PBX1: variants seen among roughly 807,000 people sequenced by gnomAD.
PBX1 encodes PBX homeobox 1, also known as pre-B-cell leukemia transcription factor 1.
Under a neutral mutation model 53.4 loss-of-function variants are expected in PBX1, and 6 were observed. The ratio of observed to expected loss-of-function variants is 0.11; its 90% confidence interval spans 0.06 to 0.22. PBX1 has a LOEUF of 0.22. Among genes scored for constraint, PBX1 ranks in the 10% least tolerant of loss-of-function variants. The probability of loss-of-function intolerance (pLI) is 1.00; values close to 1 mark genes in which losing one functional copy is unlikely to be tolerated. For synonymous variants in PBX1, 204 were observed against 212.3 expected (o/e 0.96, Z 0.34); for missense variants, 251 against 551.4 (o/e 0.46, Z 5.46).
intron 2 of PBX1, among the ~76,000 whole-genome samples, chr1:164,662,764 C>T (rs192906915): frequency 5.0e-4 from 76 of 152,210 alleles, no homozygotes; most frequent in Admixed American, 3.9e-3. Context: ...TTACAGTCAC[C>T]GTCACCTTGT....
intron 2 of PBX1, among the ~76,000 whole-genome samples, chr1:164,627,956 T>C (rs1485589035): frequency 1.3e-5 from 2 of 152,180 alleles, no homozygotes; most frequent in Non-Finnish European, 2.9e-5. Flanking sequence ...TTATAGTGAA[T>C]AGAGCAAGAA....
chr1:164,713,329 G>A (rs896756674), intron 2 of PBX1, among the ~76,000 whole-genome samples: 6 of 152,088 alleles, frequency 3.9e-5, no homozygotes. Flanking sequence ...TATGATAAAA[G>A]GTATGTGTAG....
intron 2 of PBX1, among the ~76,000 whole-genome samples, chr1:164,733,094 C>T (rs1665086161): frequency 6.6e-6 from 1 of 152,114 alleles, no homozygotes; most frequent in Non-Finnish European, 1.5e-5. Flanking sequence ...CTGTAATCCT[C>T]GGTATTTTTA....
At chr1:164,740,924 T>A (rs1665568537) in intron 2 of PBX1, among the ~76,000 whole-genome samples, 1 of 152,212 alleles carries the variant, frequency 6.6e-6, no homozygotes, top group African/African-American at 2.4e-5. Flanking sequence ...ATTTGGAGAT[T>A]ATCGAACTTT....
intron 2 of PBX1, among the ~76,000 whole-genome samples, chr1:164,689,663 T>A (rs1051390385): frequency 6.6e-6 from 1 of 152,226 alleles, no homozygotes; most frequent in Non-Finnish European, 1.5e-5. Context: ...TCATTAAGCT[T>A]CTGCCAATAA....
chr1:164,688,526 C>T (rs569068559), intron 2 of PBX1, among the ~76,000 whole-genome samples: 3 of 152,266 alleles, frequency 2.0e-5, no homozygotes, highest in East Asian at 1.9e-4. Flanking sequence ...ATCTCTAATC[C>T]TTTGCAAGAT....
chr1:164,561,083 A>G (rs1482791639), intron 1 of PBX1, among the ~76,000 whole-genome samples: 1 of 152,230 alleles, frequency 6.6e-6, no homozygotes, highest in Non-Finnish European at 1.5e-5. Context: ...CTCAAAAGGA[A>G]GAATTTTAAA....
chr1:164,710,406 C>CT (rs1038941095), intron 2 of PBX1, among the ~76,000 whole-genome samples: 52 of 151,630 alleles, frequency 3.4e-4, no homozygotes, highest in African/African-American at 1.1e-3. Flanking sequence ...TGGTTTTTTT[C>CT]TTTTTTTTCC....
intron 2 of PBX1, among the ~76,000 whole-genome samples, chr1:164,719,372 C>G (rs545279155): frequency 2.1e-4 from 32 of 152,308 alleles, no homozygotes; most frequent in Non-Finnish European, 3.2e-4. Context: ...TAATGAAGTT[C>G]TATGACAAAT....
At chr1:164,756,401 T>G (rs189466102) in intron 2 of PBX1, among the ~76,000 whole-genome samples, 34 of 152,318 alleles carry the variant, frequency 2.2e-4, no homozygotes, top group East Asian at 1.5e-3. Context: ...CGTTAAAAAT[T>G]GGAAAAGTTG....
intron 2 of PBX1, among the ~76,000 whole-genome samples, chr1:164,738,353 C>G (rs571087305): frequency 1.3e-5 from 2 of 152,186 alleles, no homozygotes; most frequent in African/African-American, 2.4e-5. Flanking sequence ...ATACAATCCT[C>G]TAGCTCACTG....
chr1:164,793,852 TTTTC>T (rs1415791744), intron 3 of PBX1, among the ~76,000 whole-genome samples: 1 of 130,862 alleles, frequency 7.6e-6, no homozygotes. Context: ...CTTACCTTTC[TTTTC>T]TTTTTTTTTT....
At chr1:164,853,270 G>A (rs901756680), downstream of PBX1, among the ~76,000 whole-genome samples, 1 of 152,204 alleles carries the variant, frequency 6.6e-6, no homozygotes, top group South Asian at 2.1e-4. Flanking sequence ...GTTAGGGGTA[G>A]GCGTGGGGAT....
intron 2 of PBX1, among the ~76,000 whole-genome samples, chr1:164,619,835 T>C (rs1657550153): frequency 6.6e-6 from 1 of 151,798 alleles, no homozygotes; most frequent in Admixed American, 6.6e-5. Flanking sequence ...TTGTGGAGAG[T>C]GAAGTGGAGA....
intron 2 of PBX1, among the ~76,000 whole-genome samples, chr1:164,746,744 C>G (rs1331392856): frequency 6.6e-6 from 1 of 152,100 alleles, no homozygotes; most frequent in Admixed American, 6.6e-5. Flanking sequence ...TTTTATCAGC[C>G]CTCATTTTGA....
At chr1:164,792,045 G>A (rs151061435) in intron 2 of PBX1, among the ~76,000 whole-genome samples, 2 of 151,962 alleles carry the variant, frequency 1.3e-5, no homozygotes, top group South Asian at 2.1e-4. Context: ...GGATGGTCTC[G>A]ATCTCCTGAC....
chr1:164,824,401 A>G (rs979910896), intron 8 of PBX1, among the ~76,000 whole-genome samples: 2 of 152,232 alleles, frequency 1.3e-5, no homozygotes, highest in Non-Finnish European at 2.9e-5. Context: ...CACCCTTTAT[A>G]CTTACTTCAA....
chr1:164,884,759 C>T (rs139639548), intron 2 of PBX1, among the ~76,000 whole-genome samples: 4 of 152,300 alleles, frequency 2.6e-5, no homozygotes, highest in African/African-American at 7.2e-5. Context: ...AACTGGAAGA[C>T]TGTGGCATCA....
chr1:164,670,716 G>A (rs907474751), intron 2 of PBX1, among the ~76,000 whole-genome samples: 3 of 151,924 alleles, frequency 2.0e-5, no homozygotes, highest in South Asian at 2.1e-4. Flanking sequence ...ACTGAGAATA[G>A]CAGAGAGAGG....
Sources: allele counts gnomAD v4.1 joint callset (sites outside exome capture counted in the v4.1 genomes callset), GRCh38; gene constraint gnomAD v4.1.1; transcripts MANE v1.5; gene names NCBI Gene and HGNC (gene_info 2026-07-23, HGNC 2026-07-21).